The following CHD5 variants were observed in gnomAD, a reference collection of about 807,000 sequenced individuals.
CHD5 encodes the protein ATP-dependent chromatin remodeler CHD5.
CHD5 carries 69 observed loss-of-function variants against 230.3 expected under a neutral mutation model. The observed-to-expected ratio is 0.30, with a 90% CI of 0.25 to 0.37. The LOEUF (loss-of-function observed/expected upper bound fraction) is 0.37. Ranked by LOEUF, CHD5 falls within the 10% of genes least tolerant of loss-of-function variation. The probability of loss-of-function intolerance (pLI) is 1.00; values close to 1 mark genes in which losing one functional copy is unlikely to be tolerated. For missense variants in CHD5, 1,827 were observed against 2,622.8 expected, an observed-to-expected ratio of 0.70 and a Z score of 6.63; for synonymous variants, 1,064 against 1,065.9, an observed-to-expected ratio of 1.00 and a Z score of 0.03.
At position 6,127,195 on chromosome 1, in the gene CHD5, A is replaced by C. The variant is rs113544002; in HGVS notation, c.3904-449T>G. 1,050 of 174,630 alleles carry C rather than the reference A, an allele frequency of 6.0e-3. 10 individuals are homozygous for C. The highest frequency in any genetic ancestry group is 0.024 in the African/African-American group (1,004 of 41,824). The allele number at this position is 174,630 out of a possible 1,614,324, so 10.8% of individuals were successfully genotyped here. A position where few individuals can be genotyped will look rare whatever the true frequency, so the allele number is the denominator to read the frequency against. On this transcript the variant is annotated intron_variant, in intron 25 of 41. Coordinates refer to ENST00000262450, the MANE Select transcript of CHD5 (RefSeq NM_015557.3). ...GTTTGCCCGGTAGAGAAGGGAGAAAAGTGTGGGGTGGACCAGGCGTGGTGG... is the reference window on the plus strand; with the variant it reads ...GTTTGCCCGGTAGAGAAGGGAGAAACGTGTGGGGTGGACCAGGCGTGGTGG...
chr1:6,149,126 C>T, intron 8 of CHD5, 51 bp from the exon 9 acceptor site: 1 of 1,469,732 alleles, frequency 6.8e-7, no homozygotes, highest in South Asian at 1.4e-5. Flanking sequence ...CCCGCTCCAC[C>T]AGGCCCGACT....
Position 6,134,100 on chromosome 1 carries a change from G to A in CHD5, c.3144+28C>T, listed in dbSNP as rs759800482. Reference sequence around the variant, plus strand: ...GATGCTCTCTGTGGGGTGTGGAGCCGGGGCGGGGGTGGGCAGGGGCAGCGC... The same window carrying A: ...GATGCTCTCTGTGGGGTGTGGAGCCAGGGCGGGGGTGGGCAGGGGCAGCGC... On this transcript the variant is annotated intron_variant, in intron 20 of 41. Transcript: ENST00000262450. This position sits in a 1 kb window ranked among gnomAD's most constrained non-coding sequence, Gnocchi z 6.3. 2.9e-5 allele frequency: 46 copies of A among 1,604,714 alleles called. No homozygotes were observed. Among genetic ancestry groups the A allele is most frequent in the Admixed American group, 5.0e-5 (3 of 59,870 alleles).
At chr1:6,166,933 C>T (rs1365771308) in intron 2 of CHD5, among the ~76,000 whole-genome samples, 1 of 152,206 alleles carries the variant, frequency 6.6e-6, no homozygotes, top group Non-Finnish European at 1.5e-5. Flanking sequence ...GAAACCCTCA[C>T]AGCACGGAGT....
At position 6,106,396 on chromosome 1, in the gene CHD5, G is replaced by A. The variant is rs540692035; in HGVS notation, c.5856C>T (p.Thr1952=). Residue 1952 remains threonine (T), a splice_region_variant and synonymous_variant, in exon 40 of 42, where the codon ACC becomes ACT. Coordinates refer to ENST00000262450, the MANE Select transcript of CHD5 (RefSeq NM_015557.3). The stretch of plus-strand genomic sequence containing the variant: ...TGCCCGGAGCGGACGGGCACCTACC[G>A]GTCACATAGGGCCCCAGGGGCATCT... ...YNQMPLGPYV[T]DI 196 of 1,599,906 alleles carry A rather than the reference G, an allele frequency of 1.2e-4. No individual in the cohort carries two copies. In the South Asian group the frequency reaches 1.8e-3, roughly 15 times the overall value.
At position 6,128,157 on chromosome 1, in the gene CHD5, C is replaced by T; in HGVS notation, c.3792G>A (p.Lys1264=). 1.9e-6 allele frequency: 3 copies of T among 1,614,200 alleles called. No homozygotes were observed. The highest frequency in any genetic ancestry group is 1.7e-6 in the Non-Finnish European group (2 of 1,180,030). ...TAGCGTCCTGGTTCCGGTCCAGCAGCTTGGAGATGGCCGCATCGTCATAGT... is the reference window on the plus strand; with the variant it reads ...TAGCGTCCTGGTTCCGGTCCAGCAGTTTGGAGATGGCCGCATCGTCATAGT... ...VIHYDDAAIS[K]LLDRNQDATD... Residue 1264 remains lysine (K), a synonymous_variant, in exon 25 of 42, where the codon AAG becomes AAA. Coordinates refer to ENST00000262450, the MANE Select transcript of CHD5 (RefSeq NM_015557.3). This position sits in a 1 kb window ranked among gnomAD's most constrained non-coding sequence, Gnocchi z 7.8.
chr1:6,112,403 G>T, intron 34 of CHD5, 126 bp from the exon 35 acceptor site: 2 of 1,209,806 alleles, frequency 1.7e-6, no homozygotes, highest in Non-Finnish European at 1.2e-6. Flanking sequence ...CAGGGGACTC[G>T]CTGCCCAGAA....
At position 6,128,026 on chromosome 1, in the gene CHD5, G is replaced by A. The variant is rs1666591003; in HGVS notation, c.3903+20C>T. The A allele has an allele frequency of 1.3e-6, 2 of 1,574,002 alleles. No homozygotes were observed. Among genetic ancestry groups the A allele is most frequent in the Non-Finnish European group, 8.6e-7 (1 of 1,159,668 alleles). On this transcript the variant is annotated intron_variant, in intron 25 of 41. Transcript: ENST00000262450. This position sits in a 1 kb window ranked among gnomAD's most constrained non-coding sequence, Gnocchi z 7.8. Reference sequence around the variant, plus strand: ...GATGGAGGGCGGGGCTGCGGATGGAGGGCGGGCCGGGGACCTTACCACGCC... The same window carrying A: ...GATGGAGGGCGGGGCTGCGGATGGAAGGCGGGCCGGGGACCTTACCACGCC...
At chr1:6,124,302 T>C (rs1479097197) in intron 30 of CHD5, among the ~76,000 whole-genome samples, 195 bp from the exon 31 acceptor site, 2 of 127,172 alleles carry the variant, frequency 1.6e-5, no homozygotes, top group Admixed American at 8.0e-5. Flanking sequence ...CCTCTGTGTG[T>C]CCTCCAACTG....
In CHD5 at chr1:6,125,429, G is replaced by A; in HGVS notation, c.4260+95C>T. ...TCTGTCCAAGCTCCGCCTCTACCTG[G>A]CATGAGACCCGGGGCAGTCCCCCAG... On this transcript the variant is annotated intron_variant, in intron 28 of 41. Transcript: ENST00000262450. This position sits in a 1 kb window ranked among gnomAD's most constrained non-coding sequence, Gnocchi z 6.7. The A allele has an allele frequency of 2.2e-6, 3 of 1,378,840 alleles. No homozygotes were observed. The highest frequency in any genetic ancestry group is 1.4e-5 in the African/African-American group (1 of 69,866). The allele number at this position is 1,378,840 out of a possible 1,614,324, so 85.4% of individuals were successfully genotyped here.
chr1:6,168,099 A>C (rs754325236), intron 2 of CHD5, 51 bp downstream of exon 2: 1 of 1,556,412 alleles, frequency 6.4e-7, no homozygotes, highest in Non-Finnish European at 8.7e-7. Flanking sequence ...GGGCAGATGC[A>C]GCCACAACCC....
chr1:6,146,647 A>C lies in CHD5; in HGVS notation c.1590+18T>G, dbSNP rs1571158944. Reference sequence around the variant, plus strand: ...CCAGGTCCCGGGCCTTAGCACAGCCACCCTCCCGGGCACTCACCTGTAGCT... The same window carrying C: ...CCAGGTCCCGGGCCTTAGCACAGCCCCCCTCCCGGGCACTCACCTGTAGCT... On this transcript the variant is annotated intron_variant, in intron 10 of 41. Coordinates refer to ENST00000262450, the MANE Select transcript of CHD5 (RefSeq NM_015557.3). This position sits in a 1 kb window ranked among gnomAD's most constrained non-coding sequence, Gnocchi z 5.1. 2 of 1,612,560 alleles carry C rather than the reference A, an allele frequency of 1.2e-6. No homozygotes were observed. Among genetic ancestry groups the C allele is most frequent in the Non-Finnish European group, 1.7e-6 (2 of 1,179,078 alleles).
intron 2 of CHD5, 127 bp downstream of exon 2, chr1:6,168,023 A>G: frequency 1.7e-6 from 2 of 1,193,994 alleles, no homozygotes; most frequent in Non-Finnish European, 2.3e-6. Flanking sequence ...GGTGTTTTTC[A>G]TCAAACTCAG....
rs142667522 is a variant in CHD5 at position 6,173,350 on chromosome 1, C to T, written c.80-5073G>A. On this transcript the variant is annotated intron_variant, in intron 1 of 41. Coordinates refer to ENST00000262450, the MANE Select transcript of CHD5 (RefSeq NM_015557.3). ...CGATCTCCTGACCTCGTGATCCACC[C>T]GCCTCGGCCTCCCAAAGTGCTGGGA... Among the ~76,000 whole-genome samples the T allele has an allele frequency of 9.9e-3, 1,503 of 152,058 alleles. 12 individuals are homozygous for T. Among genetic ancestry groups the T allele is most frequent in the Non-Finnish European group, 0.015 (1,022 of 67,974 alleles).
chr1:6,161,354 C>T (rs866747508), intron 2 of CHD5, among the ~76,000 whole-genome samples: 5 of 152,102 alleles, frequency 3.3e-5, no homozygotes, highest in Non-Finnish European at 7.4e-5. Context: ...GTGGGGGCCC[C>T]CTCTGACATC....
intron 1 of CHD5, among the ~76,000 whole-genome samples, chr1:6,177,423 T>C (rs577312243): frequency 6.6e-6 from 1 of 152,220 alleles, no homozygotes; most frequent in African/African-American, 2.4e-5. Context: ...GAACGCATGG[T>C]TTCAGGTGCT....
In CHD5 at chr1:6,130,377, G is replaced by A; in HGVS notation, c.3263-49C>T. Reference sequence around the variant, plus strand: ...GGGAGTGTTTGGGGGGGTACACCTTGGGTGGGCAGAAAGGATGGGGGAGAG... The same window carrying A: ...GGGAGTGTTTGGGGGGGTACACCTTAGGTGGGCAGAAAGGATGGGGGAGAG... On this transcript the variant is annotated intron_variant, in intron 21 of 41. Coordinates refer to ENST00000262450, the MANE Select transcript of CHD5 (RefSeq NM_015557.3). The surrounding 1 kb of genome is among the most constrained non-coding windows in gnomAD (Gnocchi z 4.9). The A allele has an allele frequency of 6.3e-7, 1 of 1,586,888 alleles. No homozygotes were observed. The highest frequency in any genetic ancestry group is 2.2e-5 in the East Asian group (1 of 44,514).
intron 38 of CHD5, 27 bp from the exon 39 acceptor site, chr1:6,106,806 G>A (rs772530541): frequency 1.3e-6 from 2 of 1,597,776 alleles, no homozygotes; most frequent in Non-Finnish European, 1.7e-6. Flanking sequence ...AGGGATGGTA[G>A]GATGCAGGGA....
chr1:6,160,621 C>G lies in CHD5; in HGVS notation c.208-1106G>C, dbSNP rs183158527. 1.1e-3 allele frequency among the ~76,000 whole-genome samples: 167 copies of G among 152,410 alleles called. 3 individuals carry two copies. Among genetic ancestry groups the G allele is most frequent in the Admixed American group, 9.2e-3 (141 of 15,314 alleles). On this transcript the variant is annotated intron_variant, in intron 2 of 41. Coordinates refer to ENST00000262450, the MANE Select transcript of CHD5 (RefSeq NM_015557.3). Reference sequence around the variant, plus strand: ...CAGGTGAAACCTGTAATTAATGCAGCAGGCACATCACAGTTTTCTCCATGT... The same window carrying G: ...CAGGTGAAACCTGTAATTAATGCAGGAGGCACATCACAGTTTTCTCCATGT...
intron 7 of CHD5, among the ~76,000 whole-genome samples, chr1:6,150,226 T>C (rs1469292140): frequency 1.4e-5 from 2 of 141,450 alleles, no homozygotes; most frequent in Non-Finnish European, 3.0e-5. Context: ...GAATGGATAA[T>C]GGATGGACAA....
Sources: allele counts gnomAD v4.1 joint callset (sites outside exome capture counted in the v4.1 genomes callset), GRCh38; gene constraint gnomAD v4.1.1; non-coding constraint Gnocchi (gnomAD v3.1); transcripts MANE v1.5; gene names NCBI Gene and HGNC (gene_info 2026-07-23, HGNC 2026-07-21).